Variants in GNAT2 observed in about 807,000 individuals in gnomAD.
GNAT2 encodes G protein subunit alpha transducin 2.
In GNAT2, 32 loss-of-function variants were observed where a neutral mutation model predicts 40.9. The ratio of observed to expected loss-of-function variants is 0.78; its 90% CI spans 0.59 to 1.05. The LOEUF is 1.05. Among genes scored for constraint, GNAT2 ranks in the 50% least tolerant of loss-of-function variants. GNAT2 has a pLI of 0.00. For synonymous variants in GNAT2, 141 were observed against 157.2 expected (o/e 0.90, Z 0.77); for missense variants, 355 against 431.5 (o/e 0.82, Z 1.57).
chr1:109,610,911 CCT>C (rs1349328087), intron 2 of GNAT2: 1 of 290,184 alleles, frequency 3.4e-6, no homozygotes, highest in East Asian at 8.5e-5. Context: ...TAACATTTCT[CCT>C]CTCTGCCTAT....
intron 1 of GNAT2, chr1:109,615,830 G>C (rs1246614986): frequency 6.6e-6 from 1 of 152,190 alleles, no homozygotes; most frequent in Non-Finnish European, 1.5e-5. Flanking sequence ...AGACAAACCG[G>C]TGATCCTTCT....
At chr1:109,619,001 A>G (rs760159000) in intron 1 of GNAT2, among the ~76,000 whole-genome samples, 3 of 152,186 alleles carry the variant, frequency 2.0e-5, no homozygotes, top group Non-Finnish European at 1.5e-5. Context: ...CAAGAGGGAA[A>G]ATAGGGAAGA....
intron 1 of GNAT2, chr1:109,617,388 G>A (rs1649977030): frequency 6.6e-6 from 1 of 152,278 alleles, no homozygotes; most frequent in Non-Finnish European, 1.5e-5. Flanking sequence ...GCTAGGAGGG[G>A]AGGAAGCTGT....
intron 1 of GNAT2, among the ~76,000 whole-genome samples, chr1:109,619,130 C>G (rs1316582774): frequency 6.6e-6 from 1 of 152,162 alleles, no homozygotes; most frequent in African/African-American, 2.4e-5. Context: ...GTTGGATAGA[C>G]CCCAGAACGG....
rs1649648645 is a variant in GNAT2 at position 109,607,506 on chromosome 1, G to GCA, written c.462-1071_462-1070insTG. The GCA allele has an allele frequency of 4.0e-5, 6 of 151,840 alleles. No individual in the cohort carries two copies. The East Asian group carries it at 1.2e-3, about 30-fold the overall frequency. The allele number at this position is 151,840 out of a possible 1,614,324, so 9.4% of individuals were successfully genotyped here. A position where few individuals can be genotyped will look rare whatever the true frequency, so the allele number is the denominator to read the frequency against. On this transcript the variant is annotated intron_variant, in intron 5 of 8. Coordinates refer to ENST00000679935, the MANE Select transcript of GNAT2 (RefSeq NM_001377295.2). ...TGTGAACTGAGATGACTGAGAGGAGGAGGGAAGTACAAGTAACACAAGTGC... is the reference window on the plus strand; with the variant it reads ...TGTGAACTGAGATGACTGAGAGGAGGCAAGGGAAGTACAAGTAACACAAGTGC...
In GNAT2 at chr1:109,603,474, A is replaced by G. The variant is rs1649494368; in HGVS notation, c.945T>C (p.Asp315=). The G allele has an allele frequency of 6.2e-7, 1 of 1,605,228 alleles. No individual in the cohort carries two copies. Among genetic ancestry groups the G allele is most frequent in the Admixed American group, 1.7e-5 (1 of 59,996 alleles). ...SQFLDLNMRK[D]VKEIYSHMTC... ...TCATGTGACTGTAGATTTCTTTGACATCTTTTCGCATATTGAGGTCAAGGA... is the reference window on the plus strand; with the variant it reads ...TCATGTGACTGTAGATTTCTTTGACGTCTTTTCGCATATTGAGGTCAAGGA... The change falls in exon 9 of 9, where the codon GAT becomes GAC. Residue 315 remains aspartate (D), a synonymous_variant. Transcript: ENST00000679935.
At position 109,604,366 on chromosome 1, in the gene GNAT2, A is replaced by G. The variant is rs1390221964; in HGVS notation, c.721-262T>C. On this transcript the variant is annotated intron_variant, in intron 7 of 8. Transcript: ENST00000679935. The stretch of plus-strand genomic sequence containing the variant: ...TCCTATCTTATAGGGTTACAATGAA[A>G]GCTAAATGAGATTGTGTATGTATAT... The G allele has an allele frequency of 8.3e-6, 4 of 481,984 alleles. No individual in the cohort carries two copies. In the East Asian group the frequency reaches 1.2e-4, roughly 14 times the overall value. 29.9% of individuals were successfully genotyped at this position (481,984 alleles called of 1,614,324 possible).
At position 109,610,070 on chromosome 1, in the gene GNAT2, C is replaced by A; in HGVS notation, c.273G>T (p.Leu91=). Residue 91 remains leucine (L), a synonymous_variant, in exon 4 of 9, where the codon CTG becomes CTT. Transcript: ENST00000679935. ...ILAIIRAMTT[L]GIDYAEPSCA... ...AGCTTGGTTCAGCATAATCGATGCC[C>A]AGTGTGGTCATGGCCCGGATGATAG... 1 of 1,614,030 alleles carries A rather than the reference C, an allele frequency of 6.2e-7. No individual in the cohort carries two copies. Among genetic ancestry groups the A allele is most frequent in the Non-Finnish European group, 8.5e-7 (1 of 1,179,954 alleles).
chr1:109,612,735 T>C lies in GNAT2; in HGVS notation c.118+18A>G. The C allele has an allele frequency of 7.0e-7, 1 of 1,433,434 alleles. No homozygotes were observed. Among genetic ancestry groups the C allele is most frequent in the Non-Finnish European group, 9.9e-7 (1 of 1,015,098 alleles). 88.8% of individuals were successfully genotyped at this position (1,433,434 alleles called of 1,614,324 possible). A position where few individuals can be genotyped will look rare whatever the true frequency, so the allele number is the denominator to read the frequency against. ...AAGGACCCCTGCCTTCTCTGGCTCATCTTCCCATCTCACTCACCCAGCAGT... is the reference window on the plus strand; with the variant it reads ...AAGGACCCCTGCCTTCTCTGGCTCACCTTCCCATCTCACTCACCCAGCAGT... On this transcript the variant is annotated intron_variant, in intron 2 of 8. Transcript: ENST00000679935.
chr1:109,612,560 C>A, intron 2 of GNAT2, 193 bp downstream of exon 2: 1 of 619,348 alleles, frequency 1.6e-6, no homozygotes, highest in Non-Finnish European at 2.9e-6. Flanking sequence ...CATTCTGGAT[C>A]CCCTTGGGGT....
chr1:109,610,175 A>G lies in GNAT2; in HGVS notation c.168T>C (p.Ile56=). 1 of 1,614,106 alleles carries G rather than the reference A, an allele frequency of 6.2e-7. No homozygotes were observed. Among genetic ancestry groups the G allele is most frequent in the Non-Finnish European group, 8.5e-7 (1 of 1,179,956 alleles). ...KSTIVKQMKI[I]HQDGYSPEEC... ...CTTCTGGTGAATAGCCATCCTGGTG[A>G]ATGATCCTGCAAGGGGCAGACACTC... Residue 56 remains isoleucine, a synonymous_variant, in exon 4 of 9, where the codon ATT becomes ATC. Coordinates refer to ENST00000679935, the MANE Select transcript of GNAT2 (RefSeq NM_001377295.2).
At position 109,606,108 on chromosome 1, in the gene GNAT2, A is replaced by G. The variant is rs199666763; in HGVS notation, c.591-9T>C. On this transcript the variant is annotated splice_polypyrimidine_tract_variant and intron_variant, in intron 6 of 8. Transcript: ENST00000679935. ...CTCCCACATCAAACATCCTGAGGGA[A>G]GAAGCAGCTATTTTCATAGGTATGC... is the stretch of plus-strand genomic sequence containing the variant. 9.7e-5 allele frequency: 157 copies of G among 1,614,024 alleles called. No individual in the cohort carries two copies. The highest frequency in any genetic ancestry group is 2.2e-5 in the East Asian group (1 of 44,886).
chr1:109,609,023 T>TC (rs35589868), intron 4 of GNAT2: 10 of 559,138 alleles, frequency 1.8e-5, no homozygotes, highest in Non-Finnish European at 3.2e-5. Flanking sequence ...GGGGCAGGGG[T>TC]CCCAGGTATT....
intron 8 of GNAT2, 62 bp downstream of exon 8, chr1:109,603,889 A>G (rs1649510532): frequency 3.2e-6 from 4 of 1,250,434 alleles, no homozygotes; most frequent in Non-Finnish European, 4.7e-6. Context: ...GGCCTAAAAA[A>G]TGAGACAATT....
intron 5 of GNAT2, chr1:109,608,317 C>T (rs1649673162): frequency 2.4e-6 from 1 of 419,372 alleles, no homozygotes; most frequent in Non-Finnish European, 4.5e-6. Context: ...TAGTGTACAC[C>T]TCAATTAAGA....
intron 5 of GNAT2, 28 bp downstream of exon 5, chr1:109,608,603 A>AACCC: frequency 6.2e-7 from 1 of 1,607,540 alleles, no homozygotes; most frequent in Non-Finnish European, 8.5e-7. Context: ...CTTAAGCATC[A>AACCC]ACCCACCCTC....
chr1:109,609,856 A>G (rs1277739760), intron 4 of GNAT2, 184 bp downstream of exon 4: 1 of 678,468 alleles, frequency 1.5e-6, no homozygotes, highest in Admixed American at 2.1e-5. Context: ...CTTACTGCGT[A>G]GATGGGTAAA....
intron 1 of GNAT2, chr1:109,617,351 C>G: frequency 6.6e-6 from 1 of 152,240 alleles, no homozygotes; most frequent in Non-Finnish European, 1.5e-5. Context: ...TCCGGGAGGG[C>G]CAGTTAAGGA....
At chr1:109,608,886 C>G in intron 4 of GNAT2, 98 bp from the exon 5 acceptor site, 3 of 936,576 alleles carry the variant, frequency 3.2e-6, no homozygotes, top group South Asian at 1.4e-5. Context: ...TACATTACTA[C>G]GAAGACCTAA....
Sources: gnomAD v4.1 joint callset for allele counts (sites outside exome capture counted in the v4.1 genomes callset) on GRCh38, gnomAD v4.1.1 for gene constraint, MANE v1.5 for transcripts, NCBI Gene and HGNC (gene_info 2026-07-23, HGNC 2026-07-21) for gene names.